Variants in USP34 observed in about 807,000 individuals in gnomAD.
USP34 encodes the protein ubiquitin carboxyl-terminal hydrolase 34.
USP34 carries 70 observed loss-of-function variants against 460.3 expected under a neutral mutation model. The observed-to-expected ratio is 0.15, with a 90% CI of 0.13 to 0.19. The LOEUF (loss-of-function observed/expected upper bound fraction) is 0.19, where lower values mean the gene tolerates loss of function less well. Ranked by LOEUF, USP34 falls within the 10% of genes least tolerant of loss-of-function variation. The probability of loss-of-function intolerance (pLI) is 1.00; values close to 1 mark genes in which losing one functional copy is unlikely to be tolerated. For missense variants in USP34, 3,985 were observed against 4,236.2 expected (o/e 0.94, Z 1.65); for synonymous variants, 1,647 against 1,405.3 (o/e 1.17, Z -3.85).
At chr2:61,286,298 G>T (rs367764081) in intron 34 of USP34, among the ~76,000 whole-genome samples, 1 of 152,034 alleles carries the variant, frequency 6.6e-6, no homozygotes, top group East Asian at 1.9e-4. Context: ...TACTAAGCTG[G>T]AATTATTTTG....
chr2:61,256,498 TAA>T lies in USP34; in HGVS notation c.6127-22_6127-21del, dbSNP rs746163062. ...AGATTCCTGTGTATAAAACCACATT[TAA>T]AAGTTTCATATTATTGTTTATAGCA... On this transcript the variant is annotated intron_variant, in intron 47 of 79. Coordinates refer to ENST00000398571, the MANE Select transcript of USP34 (RefSeq NM_014709.4). 4 of 1,528,944 alleles carry T rather than the reference TAA, an allele frequency of 2.6e-6. No individual in the cohort carries two copies. In the South Asian group the frequency reaches 3.7e-5, roughly 14 times the overall value. 94.7% of individuals were successfully genotyped at this position (1,528,944 alleles called of 1,614,324 possible).
At chr2:61,206,202 G>C in intron 71 of USP34, 78 bp from the exon 72 acceptor site, 1 of 1,180,582 alleles carries the variant, frequency 8.5e-7, no homozygotes, top group Non-Finnish European at 1.2e-6. Context: ...GTAAACTACA[G>C]AATGCTAATG....
At position 61,211,807 on chromosome 2, in the gene USP34, G is replaced by C. The variant is rs750186882; in HGVS notation, c.8805C>G (p.Cys2935Trp). Residue 2935 changes from cysteine to tryptophan, a missense_variant, in exon 69 of 80, where the codon TGC becomes TGG. Coordinates refer to ENST00000398571, the MANE Select transcript of USP34 (RefSeq NM_014709.4). ...KKTTISCYLR[C>W]LDGRSCWTTL... ...TAGTCCAGCAGGAGCGGCCATCTAA[G>C]CAACGTAAGTAACAACTTATGGTTG... 1.9e-6 allele frequency: 3 copies of C among 1,592,426 alleles called. No homozygotes were observed. Among genetic ancestry groups the C allele is most frequent in the South Asian group, 2.3e-5 (2 of 86,994 alleles).
intron 18 of USP34, among the ~76,000 whole-genome samples, chr2:61,336,296 T>A (rs1299263325): frequency 6.6e-6 from 1 of 151,930 alleles, no homozygotes; most frequent in Non-Finnish European, 1.5e-5. Context: ...CAGCTAATTT[T>A]AAAGTTTTTC....
intron 29 of USP34, among the ~76,000 whole-genome samples, chr2:61,299,661 G>C (rs1190634044): frequency 6.9e-6 from 1 of 145,760 alleles, no homozygotes; most frequent in African/African-American, 2.6e-5. Context: ...TGAGGCAGCA[G>C]GATCACTTGA....
intron 27 of USP34, among the ~76,000 whole-genome samples, chr2:61,308,238 G>A (rs1036856678): frequency 7.2e-5 from 11 of 151,840 alleles, no homozygotes; most frequent in African/African-American, 2.2e-4. Context: ...CTAAAATGTA[G>A]ACACCAACAG....
intron 1 of USP34, among the ~76,000 whole-genome samples, chr2:61,462,860 C>A: frequency 8.6e-6 from 1 of 116,096 alleles, no homozygotes; most frequent in African/African-American, 3.3e-5. Flanking sequence ...AAACTGTTTC[C>A]CAAAAAAAAA....
At chr2:61,366,938 A>G (rs1692459414) in intron 10 of USP34, among the ~76,000 whole-genome samples, 1 of 152,138 alleles carries the variant, frequency 6.6e-6, no homozygotes, top group Non-Finnish European at 1.5e-5. Context: ...AGTCCCAGCT[A>G]CTTAGGAGGC....
intron 6 of USP34, among the ~76,000 whole-genome samples, chr2:61,382,521 C>G (rs1693004069): frequency 6.6e-6 from 1 of 152,208 alleles, no homozygotes; most frequent in Non-Finnish European, 1.5e-5. Flanking sequence ...CACTAACTTA[C>G]TTGCATAGCA....
At position 61,341,071 on chromosome 2, in the gene USP34, G is replaced by T. The variant is rs1029437294; in HGVS notation, c.2501-1390C>A. ...AATTACTTTTGACTGTTCTAGAACT[G>T]CACATAAGTAATACACAGTATGTAC... On this transcript the variant is annotated intron_variant, in intron 16 of 79. Transcript: ENST00000398571. Among the ~76,000 whole-genome samples the T allele has an allele frequency of 5.3e-5, 8 of 152,198 alleles. No homozygotes were observed. In the East Asian group the frequency reaches 1.5e-3, roughly 29 times the overall value.
intron 72 of USP34, among the ~76,000 whole-genome samples, chr2:61,205,264 T>G (rs1254242676): frequency 4.6e-5 from 7 of 152,180 alleles, no homozygotes. Flanking sequence ...TAATCTACTT[T>G]TAATGTTTTA....
At chr2:61,212,073 G>T in intron 68 of USP34, 144 bp from the exon 69 acceptor site, 2 of 1,148,968 alleles carry the variant, frequency 1.7e-6, no homozygotes, top group Non-Finnish European at 2.3e-6. Context: ...TATAAAATCA[G>T]TAACAAATTC....
At chr2:61,268,094 T>A (rs896692042) in intron 41 of USP34, among the ~76,000 whole-genome samples, 2 of 152,102 alleles carry the variant, frequency 1.3e-5, no homozygotes, top group Non-Finnish European at 2.9e-5. Flanking sequence ...AAGAACCTAC[T>A]CATATACTTC....
intron 15 of USP34, among the ~76,000 whole-genome samples, chr2:61,344,446 G>T (rs1261969230): frequency 1.3e-5 from 2 of 152,064 alleles, no homozygotes; most frequent in Non-Finnish European, 2.9e-5. Flanking sequence ...ATTAACTGGG[G>T]AACTTCTAAC....
intron 5 of USP34, among the ~76,000 whole-genome samples, chr2:61,383,946 C>T (rs1693056131): frequency 6.6e-6 from 1 of 152,016 alleles, no homozygotes; most frequent in Admixed American, 6.6e-5. Context: ...ATTTCCTTAC[C>T]AAATAATTCT....
chr2:61,255,918 G>A (rs1021160930), intron 48 of USP34, among the ~76,000 whole-genome samples: 2 of 152,174 alleles, frequency 1.3e-5, no homozygotes, highest in African/African-American at 4.8e-5. Context: ...AGCTTCATTT[G>A]TAATTTAAAC....
intron 49 of USP34, 34 bp downstream of exon 49, chr2:61,248,477 A>G (rs750569972): frequency 6.6e-7 from 1 of 1,511,346 alleles, no homozygotes; most frequent in Non-Finnish European, 8.9e-7. Context: ...GATTGACAAT[A>G]ATCACAGACA....
intron 1 of USP34, among the ~76,000 whole-genome samples, chr2:61,438,413 G>C (rs985716056): frequency 2.0e-5 from 3 of 152,030 alleles, no homozygotes; most frequent in African/African-American, 4.8e-5. Flanking sequence ...AGGAGTTCGA[G>C]ACCAGCCTGG....
In USP34 at chr2:61,380,399, A is replaced by T. The variant is rs370763966; in HGVS notation, c.822-38T>A. The T allele has an allele frequency of 3.0e-5, 47 of 1,569,922 alleles. No homozygotes were observed. In the African/African-American group the frequency reaches 3.1e-4, roughly 10 times the overall value. ...AGAAATAGAAAATACACAAAAATTC[A>T]TAAAGCATTTTTAAAGACCACTCAG... On this transcript the variant is annotated intron_variant, in intron 6 of 79. Transcript: ENST00000398571.
Sources: gnomAD v4.1 joint callset for allele counts (sites outside exome capture counted in the v4.1 genomes callset) on GRCh38, gnomAD v4.1.1 for gene constraint, MANE v1.5 for transcripts, NCBI Gene and HGNC (gene_info 2026-07-23, HGNC 2026-07-21) for gene names.